The following PPARA variants were observed in gnomAD, a reference collection of about 807,000 sequenced individuals.
The protein encoded by PPARA is peroxisome proliferator-activated receptor alpha.
PPARA carries 22 observed loss-of-function variants against 42.2 expected under a neutral mutation model. That is an observed-to-expected ratio of 0.52 (90% CI 0.37 to 0.74). The LOEUF (loss-of-function observed/expected upper bound fraction) is 0.74, where lower values mean the gene tolerates loss of function less well. PPARA is among the 30% of genes least tolerant of loss of function. The pLI is 0.00. For synonymous variants in PPARA, 242 were observed against 239.3 expected (o/e 1.01, Z -0.10); for missense variants, 465 against 608.2 (o/e 0.76, Z 2.48).
intron 3 of PPARA, among the ~76,000 whole-genome samples, chr22:46,189,740 T>C (rs1454818773): frequency 3.3e-5 from 5 of 151,740 alleles, no homozygotes; most frequent in Admixed American, 3.3e-4. Context: ...AGAGTCTTGC[T>C]CTGTCACCAG....
At position 46,165,620 on chromosome 22, in the gene PPARA, G is replaced by C. The variant is rs1180375932; in HGVS notation, c.-126-11133G>C. Among the ~76,000 whole-genome samples the C allele has an allele frequency of 1.3e-5, 2 of 152,166 alleles. No homozygotes were observed. The highest frequency in any genetic ancestry group is 1.3e-4 in the Admixed American group (2 of 15,278). ...AAACTTTGGATTGGGACCCAAAAAA[G>C]CTCCATCCCAGGAGTACAGGTGACC... is the stretch of plus-strand genomic sequence containing the variant. On this transcript the variant is annotated intron_variant, in intron 2 of 8. Transcript: ENST00000407236. The surrounding 1 kb of genome is among the most constrained non-coding windows in gnomAD (Gnocchi z 5.5).
chr22:46,157,308 C>T (rs1925446472), intron 2 of PPARA, among the ~76,000 whole-genome samples: 1 of 152,320 alleles, frequency 6.6e-6, no homozygotes, highest in Non-Finnish European at 1.5e-5. Flanking sequence ...TAGGTGGGAG[C>T]TGGCTGAAGG....
rs1601806521 is a variant in PPARA, at chr22:46,225,426, G to A, written c.711+5412G>A. Among the ~76,000 whole-genome samples, 3 of 152,136 alleles carry A rather than the reference G, an allele frequency of 2.0e-5. No individual in the cohort carries two copies. The South Asian group carries it at 6.2e-4, about 32-fold the overall frequency. On this transcript the variant is annotated intron_variant, in intron 7 of 8. Transcript: ENST00000407236. The surrounding 1 kb of genome is among the most constrained non-coding windows in gnomAD (Gnocchi z 4.1). ...GTTGAGAATGTCGTCAGAAGACTTT[G>A]GAGGAAGCAACAGAAAATGAGACTG...
chr22:46,215,466 G>A, intron 5 of PPARA, 133 bp downstream of exon 5: 4 of 1,164,948 alleles, frequency 3.4e-6, no homozygotes, highest in East Asian at 2.6e-5. Flanking sequence ...GGCCAGGCGC[G>A]GTATCTCATG....
chr22:46,181,210 G>T (rs1295638276), intron 3 of PPARA, among the ~76,000 whole-genome samples: 1 of 152,162 alleles, frequency 6.6e-6, no homozygotes, highest in Non-Finnish European at 1.5e-5. Context: ...CTTGACTAAG[G>T]ATCGGGAACT....
rs757332744 is a variant in PPARA at position 46,215,147 on chromosome 22, C to T, written c.209-26C>T. 5 of 1,611,628 alleles carry T rather than the reference C, an allele frequency of 3.1e-6. No homozygotes were observed. The South Asian group carries it at 5.5e-5, about 18-fold the overall frequency. ...ACAGGATAGTGATGCCTGGACTATT[C>T]ATCCGTCTCTCCTCTTTTTCCCCAG... On this transcript the variant is annotated intron_variant, in intron 4 of 8. Coordinates refer to ENST00000407236, the MANE Select transcript of PPARA (RefSeq NM_005036.6).
At chr22:46,164,427 A>G (rs999860848) in intron 2 of PPARA, 14 of 151,824 alleles carry the variant, frequency 9.2e-5, no homozygotes, top group African/African-American at 3.1e-4. Context: ...TAATTTTTGT[A>G]TTTTTAGTAG....
chr22:46,209,333 A>G (rs1431235509), intron 4 of PPARA, among the ~76,000 whole-genome samples: 1 of 152,118 alleles, frequency 6.6e-6, no homozygotes, highest in Non-Finnish European at 1.5e-5. Context: ...CTTGAGGTTC[A>G]TTGAGCATCT....
chr22:46,169,089 T>A (rs368298963), intron 2 of PPARA, among the ~76,000 whole-genome samples: 4 of 152,052 alleles, frequency 2.6e-5, no homozygotes, highest in African/African-American at 9.6e-5. Flanking sequence ...GAAACTATTC[T>A]GTATGGTACC....
intron 2 of PPARA, among the ~76,000 whole-genome samples, chr22:46,174,036 G>A (rs1928520331): frequency 1.3e-5 from 1 of 77,042 alleles, no homozygotes; most frequent in Non-Finnish European, 2.4e-5. Flanking sequence ...GAATTAGCTG[G>A]GCGTGGTGGT....
intron 2 of PPARA, among the ~76,000 whole-genome samples, chr22:46,169,110 A>T (rs1927573842): frequency 6.6e-6 from 1 of 151,958 alleles, no homozygotes; most frequent in Non-Finnish European, 1.5e-5. Context: ...GTAACGATGA[A>T]TACATGTTAT....
chr22:46,228,427 T>C (rs1261020351), intron 7 of PPARA, among the ~76,000 whole-genome samples: 1 of 152,112 alleles, frequency 6.6e-6, no homozygotes, highest in Non-Finnish European at 1.5e-5. Flanking sequence ...TCCCAGCTAC[T>C]CAGGAGGCTG....
chr22:46,158,907 G>T (rs866676211), intron 2 of PPARA, among the ~76,000 whole-genome samples: 2 of 152,168 alleles, frequency 1.3e-5, no homozygotes, highest in Middle Eastern at 6.8e-3. Context: ...CGGGGGTGTT[G>T]AGGCTGGAGT....
chr22:46,190,953 G>A lies in PPARA; in HGVS notation c.-42-7389G>A, dbSNP rs1045141587. Reference sequence around the variant, plus strand: ...TGCCTGTAATCCCAGCACTTTGGGAGGCCGAGGTGGGCGGATTACCTGAGG... The same window carrying A: ...TGCCTGTAATCCCAGCACTTTGGGAAGCCGAGGTGGGCGGATTACCTGAGG... On this transcript the variant is annotated intron_variant, in intron 3 of 8. Transcript: ENST00000407236. This position sits in a 1 kb window ranked among gnomAD's most constrained non-coding sequence, Gnocchi z 5.6. Among the ~76,000 whole-genome samples the A allele has an allele frequency of 6.6e-6, 1 of 152,198 alleles. No individual in the cohort carries two copies. The highest frequency in any genetic ancestry group is 6.5e-5 in the Admixed American group (1 of 15,276).
chr22:46,170,847 G>A (rs1927912739), intron 2 of PPARA, among the ~76,000 whole-genome samples: 1 of 151,568 alleles, frequency 6.6e-6, no homozygotes, highest in African/African-American at 2.4e-5. Context: ...TGCATTCCTG[G>A]CAGAAAGAAG....
Position 46,222,705 on chromosome 22 carries a change from A to G in PPARA, c.711+2691A>G, listed in dbSNP as rs916705192. On this transcript the variant is annotated intron_variant, in intron 7 of 8. Transcript: ENST00000407236. The surrounding 1 kb of genome is among the most constrained non-coding windows in gnomAD (Gnocchi z 5.9). ...GGCTAAAACTTTTGTTTGCCAGCTT[A>G]TATTTCTCCCTTGGATTTCAGAATT... 1.3e-5 allele frequency among the ~76,000 whole-genome samples: 2 copies of G among 152,138 alleles called. No individual in the cohort carries two copies. The highest frequency in any genetic ancestry group is 6.5e-5 in the Admixed American group (1 of 15,268).
rs1335626606 is a variant in PPARA, at chr22:46,224,803, C to T, written c.711+4789C>T. On this transcript the variant is annotated intron_variant, in intron 7 of 8. Transcript: ENST00000407236. This position sits in a 1 kb window ranked among gnomAD's most constrained non-coding sequence, Gnocchi z 5.7. The stretch of plus-strand genomic sequence containing the variant: ...TGTTCAAAGCCTTGATGGGGAAGCA[C>T]GGGGGATGGATAGATTTTAATTTCA... Among the ~76,000 whole-genome samples the T allele has an allele frequency of 1.3e-5, 2 of 152,116 alleles. No individual in the cohort carries two copies.
chr22:46,223,994 T>C (rs1379991382), intron 7 of PPARA, among the ~76,000 whole-genome samples: 1 of 151,112 alleles, frequency 6.6e-6, no homozygotes, highest in Non-Finnish European at 1.5e-5. Flanking sequence ...TAGTTTAGGA[T>C]TGGGGTTCAC....
chr22:46,189,570 G>A (rs1330828899), intron 3 of PPARA, among the ~76,000 whole-genome samples: 4 of 152,186 alleles, frequency 2.6e-5, no homozygotes, highest in South Asian at 4.1e-4. Flanking sequence ...TTAAGATAGA[G>A]TGTCTTTACC....
Sources: gnomAD v4.1 joint callset for allele counts (sites outside exome capture counted in the v4.1 genomes callset) on GRCh38, gnomAD v4.1.1 for gene constraint, Gnocchi (gnomAD v3.1) non-coding constraint, MANE v1.5 for transcripts, NCBI Gene and HGNC (gene_info 2026-07-23, HGNC 2026-07-21) for gene names.